The following PRELID2 variants were observed in gnomAD, a reference collection of about 807,000 sequenced individuals.
PRELID2 encodes PRELI domain containing 2.
PRELID2 carries 25 observed loss-of-function variants against 28.4 expected under a neutral mutation model. The observed-to-expected ratio is 0.88, with a 90% CI of 0.64 to 1.23. The LOEUF is 1.23. PRELID2 is among the 50% of genes most tolerant of loss of function. The pLI is 0.00. For missense variants in PRELID2, 201 were observed against 214.4 expected (o/e 0.94, Z 0.39); for synonymous variants, 76 against 71.6 (o/e 1.06, Z -0.31).
chr5:145,533,360 C>G (rs1251912210), intron 1 of PRELID2, among the ~76,000 whole-genome samples: 1 of 152,010 alleles, frequency 6.6e-6, no homozygotes, highest in Non-Finnish European at 1.5e-5. Context: ...GGTTCAATAT[C>G]TTGAACTCAA....
At chr5:145,471,544 T>C (rs1280445326), downstream of PRELID2, among the ~76,000 whole-genome samples, 1 of 152,124 alleles carries the variant, frequency 6.6e-6, no homozygotes, top group Admixed American at 6.6e-5. Context: ...TATAATTTAT[T>C]AATAATGATA....
At chr5:145,253,255 G>A in the PRELID2 span, among the ~76,000 whole-genome samples, 8 of 152,110 alleles carry the variant, frequency 5.3e-5, no homozygotes, top group African/African-American at 1.2e-4. Flanking sequence ...TAGAACCTGT[G>A]GTTGACTATT....
chr5:145,779,286 T>C (rs964208909), intron 5 of PRELID2, among the ~76,000 whole-genome samples: 10 of 152,184 alleles, frequency 6.6e-5, no homozygotes, highest in Admixed American at 1.3e-4. Context: ...CAAAGGATCA[T>C]GAAAGTAGTC....
intron 1 of PRELID2, among the ~76,000 whole-genome samples, chr5:145,592,473 T>TACAC (rs35879187): frequency 1.3e-5 from 2 of 149,516 alleles, no homozygotes; most frequent in African/African-American, 4.9e-5. Flanking sequence ...CACACATACA[T>TACAC]ACACACACAC....
the PRELID2 span, among the ~76,000 whole-genome samples, chr5:145,398,218 C>T: frequency 6.6e-6 from 1 of 152,070 alleles, no homozygotes; most frequent in Non-Finnish European, 1.5e-5. Context: ...CACTCACATG[C>T]CATGCAAAAT....
At chr5:145,410,743 G>A in the PRELID2 span, among the ~76,000 whole-genome samples, 1 of 152,058 alleles carries the variant, frequency 6.6e-6, no homozygotes, top group Non-Finnish European at 1.5e-5. Flanking sequence ...GAAATTTTGG[G>A]TGGGGACACA....
At chr5:145,745,902 T>C (rs547165070) in intron 1 of PRELID2, among the ~76,000 whole-genome samples, 6 of 151,978 alleles carry the variant, frequency 3.9e-5, no homozygotes, top group Admixed American at 1.3e-4. Flanking sequence ...CAGAATTTCA[T>C]ATCCAGCCAA....
At chr5:145,288,421 C>T in the PRELID2 span, among the ~76,000 whole-genome samples, 1 of 151,894 alleles carries the variant, frequency 6.6e-6, no homozygotes, top group Non-Finnish European at 1.5e-5. Flanking sequence ...TTGATGTACC[C>T]CCATCACTGT....
In PRELID2 at chr5:145,802,498, A is replaced by G. The variant is rs576530517; in HGVS notation, c.369-5951T>C. 3.9e-5 allele frequency among the ~76,000 whole-genome samples: 6 copies of G among 152,322 alleles called. No individual in the cohort carries two copies. In the South Asian group the frequency reaches 1.2e-3, roughly 32 times the overall value. The stretch of plus-strand genomic sequence containing the variant: ...ATGAAGAGATGGAGGGAGTATAGGG[A>G]AGAGAAAGTGAAGAAGCAAAAGAAG... On this transcript the variant is annotated intron_variant, in intron 4 of 6. Coordinates refer to ENST00000683046, the MANE Select transcript of PRELID2 (RefSeq NM_205846.3).
the PRELID2 span, among the ~76,000 whole-genome samples, chr5:145,401,191 T>G: frequency 2.0e-5 from 3 of 151,940 alleles, no homozygotes; most frequent in African/African-American, 7.2e-5. Flanking sequence ...ATTTTTGAAC[T>G]GAGATTTTGC....
intron 1 of PRELID2, among the ~76,000 whole-genome samples, chr5:145,581,649 G>T (rs183361493): frequency 6.6e-6 from 1 of 152,076 alleles, no homozygotes; most frequent in Admixed American, 6.6e-5. Flanking sequence ...TAGTCAAAAG[G>T]TGTATTAATT....
chr5:145,775,014 T>C lies in PRELID2; in HGVS notation c.475-10014A>G, dbSNP rs201653306. Among the ~76,000 whole-genome samples, 9 of 152,082 alleles carry C rather than the reference T, an allele frequency of 5.9e-5. No homozygotes were observed. In the East Asian group the frequency reaches 1.5e-3, roughly 26 times the overall value. On this transcript the variant is annotated intron_variant, in intron 5 of 6. Transcript: ENST00000683046. ...CAGCACTTTGGGAGGCTGAGGTGGG[T>C]GGATCACTTGAAGTCAGGAGTTTGA...
At chr5:145,265,495 G>A in the PRELID2 span, among the ~76,000 whole-genome samples, 1 of 151,938 alleles carries the variant, frequency 6.6e-6, no homozygotes. Context: ...AACCAAAAAA[G>A]AGCCTGCACA....
At chr5:145,708,903 T>C (rs1755617009) in intron 1 of PRELID2, among the ~76,000 whole-genome samples, 1 of 152,304 alleles carries the variant, frequency 6.6e-6, no homozygotes, top group African/African-American at 2.4e-5. Context: ...TTGTGGAAAA[T>C]TCCCCCAGCA....
intron 4 of PRELID2, among the ~76,000 whole-genome samples, chr5:145,810,412 A>G (rs567800434): frequency 6.6e-6 from 1 of 152,308 alleles, no homozygotes; most frequent in African/African-American, 2.4e-5. Context: ...GAGCAGATTC[A>G]GTCCATGCCA....
intron 1 of PRELID2, among the ~76,000 whole-genome samples, chr5:145,654,974 T>C (rs539384535): frequency 1.3e-5 from 2 of 152,158 alleles, no homozygotes; most frequent in South Asian, 2.1e-4. Flanking sequence ...TGTTTGCAGA[T>C]GACATGACTG....
the PRELID2 span, among the ~76,000 whole-genome samples, chr5:145,447,049 C>CT: frequency 1.3e-4 from 5 of 39,770 alleles, no homozygotes; most frequent in East Asian, 9.1e-4. Context: ...AACTCCATCT[C>CT]AAAATAAATA....
At chr5:145,719,985 A>G (rs993890303) in intron 1 of PRELID2, among the ~76,000 whole-genome samples, 2 of 151,972 alleles carry the variant, frequency 1.3e-5, no homozygotes, top group African/African-American at 4.8e-5. Context: ...ATTAAATTAC[A>G]AATTACCCAA....
the PRELID2 span, among the ~76,000 whole-genome samples, chr5:145,449,834 G>T: frequency 6.6e-6 from 1 of 152,168 alleles, no homozygotes; most frequent in East Asian, 1.9e-4. Flanking sequence ...ACTTCCTGAG[G>T]GTAAGGACTG....
Sources: allele counts gnomAD v4.1 joint callset (sites outside exome capture counted in the v4.1 genomes callset), GRCh38; gene constraint gnomAD v4.1.1; transcripts MANE v1.5; gene names NCBI Gene and HGNC (gene_info 2026-07-23, HGNC 2026-07-21).